The following MED24 variants were observed in gnomAD, a reference collection of about 807,000 sequenced individuals.
The protein encoded by MED24 is mediator of RNA polymerase II transcription subunit 24.
Under a neutral mutation model 118.8 loss-of-function variants are expected in MED24, and 74 were observed. The ratio of observed to expected loss-of-function variants is 0.62; its 90% CI spans 0.52 to 0.76. MED24 has a LOEUF of 0.76. Ranked by LOEUF, MED24 falls within the 30% of genes least tolerant of loss-of-function variation. MED24 has a pLI of 0.00. For missense variants in MED24, 1,041 were observed against 1,278.9 expected (o/e 0.81, Z 2.84); for synonymous variants, 521 against 523.9 (o/e 0.99, Z 0.08).
Position 40,019,260 on chromosome 17 carries a change from C to T in MED24, c.*269G>A, listed in dbSNP as rs368937742. 13 of 485,084 alleles carry T rather than the reference C, an allele frequency of 2.7e-5. No individual in the cohort carries two copies. The highest frequency in any genetic ancestry group is 4.0e-5 in the African/African-American group (2 of 50,550). The allele number at this position is 485,084 out of a possible 1,614,324, so 30.0% of individuals were successfully genotyped here. On this transcript the variant is annotated 3_prime_UTR_variant, in exon 26 of 26. Transcript: ENST00000394128. ...AGGTAAGACTACTCCTGGGCTGGGG[C>T]GGGCGCACACAGGGGTGACCACTGG...
In MED24 at chr17:40,022,459, A is replaced by T; in HGVS notation, c.2458T>A (p.Ser820Thr). 6.2e-7 allele frequency: 1 copy of T among 1,610,428 alleles called. No homozygotes were observed. Among genetic ancestry groups the T allele is most frequent in the Non-Finnish European group, 8.5e-7 (1 of 1,178,644 alleles). ...AKLAVWCALSSYSSHKGQAST... is the reference protein window; with the variant it reads ...AKLAVWCALSTYSSHKGQAST... ...GCCTGTCCCTTGTGGGAGGAGTAGG[A>T]ACTGAGGGCACACCACACGGCCAGC... is the stretch of plus-strand genomic sequence containing the variant. Residue 820 changes from serine to threonine, a missense_variant, in exon 22 of 26, where the codon TCC becomes ACC. Physicochemically the swap from Ser to Thr is moderately conservative, Grantham distance 58. Around this residue, in one of 3 missense-constraint regions of MED24, gnomAD observed 587 missense variants for 694.4 expected, o/e 0.85. Transcript: ENST00000394128.
At chr17:40,031,438 AC>A in intron 11 of MED24, 99 bp downstream of exon 11, 1 of 1,341,222 alleles carries the variant, frequency 7.5e-7, no homozygotes, top group Non-Finnish European at 1.1e-6. Flanking sequence ...AGGGGAGTGA[AC>A]AAGGAGACAG....
Position 40,036,257 on chromosome 17 carries a change from C to T in MED24, c.214-103G>A, listed in dbSNP as rs1983919499. Reference sequence around the variant, plus strand: ...TTGCTGCAGCTCTCCTGAACCTCAACCCCTTCCACAGGCCCTCTTCAACCC... The same window carrying T: ...TTGCTGCAGCTCTCCTGAACCTCAATCCCTTCCACAGGCCCTCTTCAACCC... On this transcript the variant is annotated intron_variant, in intron 3 of 25. Transcript: ENST00000394128. 12 of 1,178,566 alleles carry T rather than the reference C, an allele frequency of 1.0e-5. No homozygotes were observed. In the South Asian group the frequency reaches 1.4e-4, roughly 14 times the overall value. The allele number at this position is 1,178,566 out of a possible 1,614,324, so 73.0% of individuals were successfully genotyped here.
intron 12 of MED24, among the ~76,000 whole-genome samples, 174 bp from the exon 13 acceptor site, chr17:40,030,033 A>T (rs1158994672): frequency 6.6e-6 from 1 of 152,188 alleles, no homozygotes; most frequent in East Asian, 1.9e-4. Context: ...TCACTGATTT[A>T]GCATTAGTCT....
In MED24 at chr17:40,043,890, C is replaced by CAAAAAAAAAAAAAAAAAAAAAAAAAA. The variant is rs35743512; in HGVS notation, c.214-7737_214-7736insTTTTTTTTTTTTTTTTTTTTTTTTTT. On this transcript the variant is annotated intron_variant, in intron 3 of 25. Transcript: ENST00000394128. ...TGGGCAGAAGAGCGAGACTCCATCT[C>CAAAAAAAAAAAAAAAAAAAAAAAAAA]AAAAAAAAAAAAAACAAAGATTTAA... 1.8e-3 allele frequency among the ~76,000 whole-genome samples: 175 copies of CAAAAAAAAAAAAAAAAAAAAAAAAAA among 97,384 alleles called. 15 individuals carry two copies. The highest frequency in any genetic ancestry group is 5.1e-3 in the Middle Eastern group (1 of 196). 63.9% of individuals were successfully genotyped at this position (97,384 alleles called of 152,430 possible).
chr17:40,034,731 A>G (rs1299280195), intron 6 of MED24, among the ~76,000 whole-genome samples: 1 of 152,090 alleles, frequency 6.6e-6, no homozygotes, highest in African/African-American at 2.4e-5. Flanking sequence ...CAAACACAAT[A>G]ATGGACACTG....
chr17:40,020,096 GAGGA>G, intron 24 of MED24, 163 bp from the exon 25 acceptor site: 1 of 996,278 alleles, frequency 1.0e-6, no homozygotes, highest in Non-Finnish European at 1.5e-6. Flanking sequence ...TTGGGGAGGG[GAGGA>G]GGGGGAACTA....
At chr17:40,051,653 T>A (rs776743586) in intron 3 of MED24, among the ~76,000 whole-genome samples, 1 of 152,062 alleles carries the variant, frequency 6.6e-6, no homozygotes, top group African/African-American at 2.4e-5. Flanking sequence ...CTGGGCGTGG[T>A]GGCTCATGCC....
chr17:40,050,206 T>C (rs372651676), intron 3 of MED24, among the ~76,000 whole-genome samples: 2 of 146,438 alleles, frequency 1.4e-5, no homozygotes, highest in South Asian at 4.4e-4. Flanking sequence ...CGGTGGCTCA[T>C]TGGAGGCCGA....
chr17:40,038,253 A>G (rs966262574), intron 3 of MED24, among the ~76,000 whole-genome samples: 6 of 152,200 alleles, frequency 3.9e-5, no homozygotes, highest in Non-Finnish European at 7.3e-5. Flanking sequence ...GTCCTCAGGA[A>G]GTTTTTATTG....
rs1982193757 is a variant in MED24, at chr17:40,022,831, T to C, written c.2251-5A>G. On this transcript the variant is annotated splice_polypyrimidine_tract_variant and splice_region_variant and intron_variant, in intron 20 of 25. Transcript: ENST00000394128. ...CCGCGTCTCCTTCAGCAGCTCCTAGTGCGCAGGAAAGGGGGCAGTTCAGGA... is the reference window on the plus strand; with the variant it reads ...CCGCGTCTCCTTCAGCAGCTCCTAGCGCGCAGGAAAGGGGGCAGTTCAGGA... The C allele has an allele frequency of 3.1e-6, 5 of 1,612,612 alleles. No homozygotes were observed. Among genetic ancestry groups the C allele is most frequent in the Non-Finnish European group, 3.4e-6 (4 of 1,179,816 alleles).
At chr17:40,035,670 CAA>C in intron 5 of MED24, 50 bp downstream of exon 5, 3 of 1,585,414 alleles carry the variant, frequency 1.9e-6, no homozygotes, top group Non-Finnish European at 2.6e-6. Flanking sequence ...CACCTCTGCA[CAA>C]AGACAAGGCT....
intron 15 of MED24, 92 bp from the exon 16 acceptor site, chr17:40,027,557 G>T: frequency 1.6e-6 from 2 of 1,260,646 alleles, no homozygotes; most frequent in Non-Finnish European, 2.2e-6. Flanking sequence ...CTCTAGGAAG[G>T]TCAGGGACCA....
At chr17:40,037,889 C>T (rs921640324) in intron 3 of MED24, among the ~76,000 whole-genome samples, 12 of 148,702 alleles carry the variant, frequency 8.1e-5, no homozygotes, top group East Asian at 7.9e-4. Context: ...CCAGTGTGGG[C>T]GACAGAGCTA....
rs770952329 is a variant in MED24, at chr17:40,027,477, C to T, written c.1448-12G>A. 6.2e-6 allele frequency: 10 copies of T among 1,606,064 alleles called. No homozygotes were observed. The highest frequency in any genetic ancestry group is 2.7e-5 in the African/African-American group (2 of 74,702). On this transcript the variant is annotated splice_polypyrimidine_tract_variant and intron_variant, in intron 15 of 25. Coordinates refer to ENST00000394128, the MANE Select transcript of MED24 (RefSeq NM_014815.4). ...GGAGGCCGGTTTGGCTGTGGAAGGA[C>T]GGGAAGGCTGAGCTCCCAGACGAGG...
intron 20 of MED24, 40 bp downstream of exon 20, chr17:40,023,091 C>T: frequency 6.3e-7 from 1 of 1,588,294 alleles, no homozygotes; most frequent in South Asian, 1.2e-5. Flanking sequence ...AGCCAGGGGA[C>T]AGGACCCATG....
chr17:40,053,113 TGGGTAGAGACTG>T (rs990092275), intron 3 of MED24, among the ~76,000 whole-genome samples, 173 bp downstream of exon 3: 10 of 151,682 alleles, frequency 6.6e-5, no homozygotes, highest in African/African-American at 2.4e-4. Flanking sequence ...TTTGTATTTT[TGGGTAGAGACTG>T]GGTTTTGCCA....
intron 22 of MED24, 139 bp from the exon 23 acceptor site, chr17:40,022,193 A>C: frequency 5.6e-6 from 5 of 888,236 alleles, no homozygotes; most frequent in Non-Finnish European, 8.6e-6. Context: ...AACCCCTCCC[A>C]CAATCTGACA....
In MED24 at chr17:40,048,280, A is replaced by T. The variant is rs117089144; in HGVS notation, c.213+5018T>A. On this transcript the variant is annotated intron_variant, in intron 3 of 25. Coordinates refer to ENST00000394128, the MANE Select transcript of MED24 (RefSeq NM_014815.4). Reference sequence around the variant, plus strand: ...TCAGGAACTCCCCAGGGTCCCCAAGACCTTTCAGGGGGTCTAGGAAGTCAA... The same window carrying T: ...TCAGGAACTCCCCAGGGTCCCCAAGTCCTTTCAGGGGGTCTAGGAAGTCAA... Among the ~76,000 whole-genome samples, 443 of 152,286 alleles carry T rather than the reference A, an allele frequency of 2.9e-3. 5 individuals are homozygous for T. The highest frequency in any genetic ancestry group is 0.029 in the East Asian group (148 of 5,184).
Sources: allele counts gnomAD v4.1 joint callset (sites outside exome capture counted in the v4.1 genomes callset), GRCh38; gene constraint gnomAD v4.1.1; regional missense constraint gnomAD v4.1.1; transcripts MANE v1.5; gene names NCBI Gene and HGNC (gene_info 2026-07-23, HGNC 2026-07-21).